The following FBXO34 variants were observed in gnomAD, a reference collection of about 807,000 sequenced individuals.
FBXO34 encodes F-box protein 34.
In FBXO34, 12 loss-of-function variants were observed where a neutral mutation model predicts 24.5. The observed-to-expected ratio is 0.49, with a 90% CI of 0.31 to 0.79. The LOEUF is 0.79. Among genes scored for constraint, FBXO34 ranks in the 30% least tolerant of loss-of-function variants. The probability of loss-of-function intolerance (pLI) is 0.04; values close to 1 mark genes in which losing one functional copy is unlikely to be tolerated. For missense variants in FBXO34, 823 were observed against 857.7 expected, an observed-to-expected ratio of 0.96 and a Z score of 0.51; for synonymous variants, 320 against 311.9, an observed-to-expected ratio of 1.03 and a Z score of -0.27.
intron 1 of FBXO34, among the ~76,000 whole-genome samples, chr14:55,338,950 CA>C (rs1883894003): frequency 6.6e-6 from 1 of 151,228 alleles, no homozygotes; most frequent in African/African-American, 2.4e-5. Context: ...AAAAACCCCC[CA>C]AAAAAACCAG....
the FBXO34 span, among the ~76,000 whole-genome samples, chr14:55,396,917 G>T: frequency 6.6e-6 from 1 of 152,276 alleles, no homozygotes; most frequent in South Asian, 2.1e-4. Flanking sequence ...AATCTCTGAG[G>T]ATAGGATTCC....
At chr14:55,403,778 A>G in the FBXO34 span, among the ~76,000 whole-genome samples, 3 of 152,222 alleles carry the variant, frequency 2.0e-5, no homozygotes, top group African/African-American at 7.2e-5. Context: ...TGCATCATCT[A>G]TAATAGAGGC....
chr14:55,440,624 T>C, the FBXO34 span: 1 of 1,449,984 alleles, frequency 6.9e-7, no homozygotes. Context: ...CGTTGGGCGA[T>C]GGGCTTGGAG....
downstream of FBXO34, among the ~76,000 whole-genome samples, chr14:55,372,176 C>T (rs943670075): frequency 6.6e-6 from 1 of 152,098 alleles, no homozygotes; most frequent in Non-Finnish European, 1.5e-5. Flanking sequence ...TGGGACTCCT[C>T]CCCTCCCACC....
chr14:55,290,127 C>T (rs1269735318), intron 1 of FBXO34, among the ~76,000 whole-genome samples: 1 of 152,062 alleles, frequency 6.6e-6, no homozygotes, highest in Admixed American at 6.5e-5. Context: ...CATGGTGGCT[C>T]ACGCCTGTAA....
At chr14:55,410,306 G>A in the FBXO34 span, among the ~76,000 whole-genome samples, 1 of 152,102 alleles carries the variant, frequency 6.6e-6, no homozygotes, top group Non-Finnish European at 1.5e-5. Context: ...GCATATAGAT[G>A]GTATTTAAAT....
chr14:55,298,636 G>C (rs1229497266), intron 1 of FBXO34: 50 of 1,397,650 alleles, frequency 3.6e-5, no homozygotes, highest in Non-Finnish European at 4.9e-5. Flanking sequence ...AGGCTGGCGC[G>C]GCGAGCGCTG....
chr14:55,369,736 G>T (rs778517164), downstream of FBXO34: 1 of 1,613,826 alleles, frequency 6.2e-7, no homozygotes, highest in Non-Finnish European at 8.5e-7. Flanking sequence ...TCTGACTCTG[G>T]GAGACTTCCA....
chr14:55,328,753 G>A (rs967839198), intron 1 of FBXO34, among the ~76,000 whole-genome samples: 2 of 152,138 alleles, frequency 1.3e-5, no homozygotes, highest in African/African-American at 2.4e-5. Flanking sequence ...AGATCCAGTC[G>A]GGGTATTCAT....
intron 1 of FBXO34, among the ~76,000 whole-genome samples, chr14:55,313,299 C>A (rs890916530): frequency 6.6e-6 from 1 of 152,192 alleles, no homozygotes; most frequent in African/African-American, 2.4e-5. Flanking sequence ...TCATCTGAGA[C>A]CACCTCATCC....
intron 1 of FBXO34, among the ~76,000 whole-genome samples, chr14:55,279,193 A>AG (rs1420828146): frequency 6.6e-6 from 1 of 151,748 alleles, no homozygotes; most frequent in African/African-American, 2.4e-5. Context: ...AGGCTGAGGC[A>AG]GAGAATTGCT....
intron 1 of FBXO34, among the ~76,000 whole-genome samples, chr14:55,317,673 C>T (rs375159957): frequency 1.3e-5 from 2 of 152,232 alleles, no homozygotes; most frequent in African/African-American, 4.8e-5. Flanking sequence ...CTTGAAGCTG[C>T]CATGGTAAGA....
chr14:55,408,776 A>G, the FBXO34 span, among the ~76,000 whole-genome samples: 1 of 152,324 alleles, frequency 6.6e-6, no homozygotes, highest in South Asian at 2.1e-4. Flanking sequence ...GTCTCAAAAA[A>G]AATAAAATAA....
At chr14:55,384,802 C>A in the FBXO34 span, among the ~76,000 whole-genome samples, 1 of 152,224 alleles carries the variant, frequency 6.6e-6, no homozygotes, top group African/African-American at 2.4e-5. Flanking sequence ...ATTAGAGCAG[C>A]CTGGTGGCTT....
In FBXO34 at chr14:55,350,876, A is replaced by G. The variant is rs1224820828; in HGVS notation, c.486A>G (p.Val162=). The change falls in exon 2 of 2, where the codon GTA becomes GTG. Residue 162 remains valine, a synonymous_variant. Coordinates refer to ENST00000313833, the MANE Select transcript of FBXO34 (RefSeq NM_017943.4). ...CAGGGGATCTTAAAAAAGCCAAGGT[A>G]CAGGTGGAAAGGATGAGGGAGGTTA... ...KKSGDLKKAK[V]QVERMREVNS... is the part of the protein sequence containing the mutation. 2 of 1,613,808 alleles carry G rather than the reference A, an allele frequency of 1.2e-6. No individual in the cohort carries two copies. Among genetic ancestry groups the G allele is most frequent in the Non-Finnish European group, 1.7e-6 (2 of 1,179,934 alleles).
chr14:55,439,848 G>A, the FBXO34 span, among the ~76,000 whole-genome samples: 3 of 149,428 alleles, frequency 2.0e-5, no homozygotes, highest in Non-Finnish European at 4.4e-5. Context: ...GGAGAATGGC[G>A]TGAACCTGGG....
At chr14:55,272,898 A>G (rs1349484510) in intron 1 of FBXO34, among the ~76,000 whole-genome samples, 2 of 152,232 alleles carry the variant, frequency 1.3e-5, no homozygotes, top group Admixed American at 6.5e-5. Flanking sequence ...ATATGAAATT[A>G]GAGAATAAAA....
the FBXO34 span, among the ~76,000 whole-genome samples, chr14:55,393,986 A>G: frequency 1.3e-5 from 2 of 151,754 alleles, no homozygotes; most frequent in Admixed American, 6.6e-5. Flanking sequence ...ATTCTTTTTA[A>G]CAACTACACA....
the FBXO34 span, among the ~76,000 whole-genome samples, chr14:55,428,473 G>C: frequency 7.7e-6 from 1 of 130,434 alleles, no homozygotes; most frequent in East Asian, 1.9e-4. Flanking sequence ...TCAATGTGTG[G>C]GCCTCTGACC....
Sources: gnomAD v4.1 joint callset for allele counts (sites outside exome capture counted in the v4.1 genomes callset) on GRCh38, gnomAD v4.1.1 for gene constraint, MANE v1.5 for transcripts, NCBI Gene and HGNC (gene_info 2026-07-23, HGNC 2026-07-21) for gene names.